Variants in TSEN2 observed in about 807,000 individuals in gnomAD.
TSEN2 encodes tRNA-splicing endonuclease subunit Sen2.
In TSEN2, 54 loss-of-function variants were observed where a neutral mutation model predicts 59.2. The observed-to-expected ratio is 0.91, with a 90% CI of 0.73 to 1.14. The LOEUF is 1.14. TSEN2 is among the 50% of genes most tolerant of loss of function. The pLI, the probability that TSEN2 is intolerant of heterozygous loss-of-function variation, is 0.00. For missense variants in TSEN2, 636 were observed against 576.2 expected (o/e 1.10, Z -1.06); for synonymous variants, 195 against 198.2 (o/e 0.98, Z 0.14).
intron 6 of TSEN2, among the ~76,000 whole-genome samples, chr3:12,510,681 T>G (rs968895156): frequency 6.6e-6 from 1 of 152,208 alleles, no homozygotes; most frequent in Non-Finnish European, 1.5e-5. Context: ...GTCCATAATA[T>G]GGATTCCAAG....
At chr3:12,490,484 A>G (rs1352565659) in intron 2 of TSEN2, among the ~76,000 whole-genome samples, 1 of 152,156 alleles carries the variant, frequency 6.6e-6, no homozygotes, top group African/African-American at 2.4e-5. Flanking sequence ...GATGAGGACA[A>G]GTTCTAGTTT....
intron 8 of TSEN2, among the ~76,000 whole-genome samples, chr3:12,522,777 A>G (rs181553361): frequency 6.6e-6 from 1 of 152,310 alleles, no homozygotes; most frequent in East Asian, 1.9e-4. Context: ...CAGGAGCAGT[A>G]TTTGGAAGAG....
intron 1 of TSEN2, among the ~76,000 whole-genome samples, chr3:12,485,710 C>T (rs1279168744): frequency 2.6e-5 from 4 of 152,192 alleles, no homozygotes; most frequent in Non-Finnish European, 5.9e-5. Context: ...TTTTCTTAAT[C>T]TGCATTTTTC....
rs186223564 is a variant in TSEN2 at position 12,503,581 on chromosome 3, G to A, written c.628G>A (p.Val210Met). 17 of 1,602,108 alleles carry A rather than the reference G, an allele frequency of 1.1e-5. No individual in the cohort carries two copies. The highest frequency in any genetic ancestry group is 6.7e-5 in the Admixed American group (4 of 59,370). Reference protein sequence around the residue: ...HPTTESFEKSVREDASPLPHV... With the variant: ...HPTTESFEKSMREDASPLPHV... The stretch of plus-strand genomic sequence containing the variant: ...AACAACAGAGAGCTTTGAGAAAAGC[G>A]TGCGAGAGGATGCCTCACCTCTGCC... Residue 210 changes from valine to methionine, a missense_variant, in exon 5 of 12, where the codon GTG (valine) becomes ATG (methionine). Val to Met is a conservative substitution (Grantham distance 21, BLOSUM62 1). Coordinates refer to ENST00000284995, the MANE Select transcript of TSEN2 (RefSeq NM_025265.4).
In TSEN2 at chr3:12,520,454, C is replaced by G. The variant is rs2056544459; in HGVS notation, c.1099+1257C>G. On this transcript the variant is annotated intron_variant, in intron 8 of 11. Coordinates refer to ENST00000284995, the MANE Select transcript of TSEN2 (RefSeq NM_025265.4). ...ACAGTACTGCCTCCCTTGATCTTTT[C>G]TTTTTAATTAAATCAATATTTTACT... Among the ~76,000 whole-genome samples, 7 of 152,224 alleles carry G rather than the reference C, an allele frequency of 4.6e-5. No homozygotes were observed. The South Asian group carries it at 1.5e-3, about 32-fold the overall frequency.
Position 12,529,803 on chromosome 3 carries a change from G to A in TSEN2, c.1178G>A (p.Gly393Asp), listed in dbSNP as rs1559364196. 5.0e-6 allele frequency: 8 copies of A among 1,614,070 alleles called. No individual in the cohort carries two copies. Among genetic ancestry groups the A allele is most frequent in the East Asian group, 2.2e-5 (1 of 44,878 alleles). The change falls in exon 10 of 12, where the codon GGC (glycine) becomes GAC (aspartate). Residue 393 changes from glycine to aspartate, a missense_variant. Physicochemically the swap from Gly to Asp is moderately conservative, Grantham distance 94. Transcript: ENST00000284995. ...IIELVDDHFE[G>D]SLRRPLSWKS... is the part of the protein sequence containing the mutation. ...GAGCTAGTTGATGACCATTTTGAAG[G>A]CTCTCTCCGCAGGCCTCTCAGTTGG...
intron 8 of TSEN2, among the ~76,000 whole-genome samples, chr3:12,525,182 T>C (rs778421505): frequency 2.6e-4 from 40 of 152,198 alleles, no homozygotes; most frequent in Non-Finnish European, 5.4e-4. Flanking sequence ...CGGGTTCTCT[T>C]AGCACACGTA....
At chr3:12,503,918 A>G (rs985245319) in intron 5 of TSEN2, 134 bp downstream of exon 5, 3 of 1,174,900 alleles carry the variant, frequency 2.6e-6, no homozygotes, top group African/African-American at 1.5e-5. Context: ...GCTTTGGGCC[A>G]CAGCAGCTGT....
rs771435154 is a variant in TSEN2, at chr3:12,503,389, G to A, written c.436G>A (p.Glu146Lys). ...GCATCCTCCTGTGAAAAGGAATGAAGAGGCTCAAGTGCATGACAAGCTTAA... is the reference window on the plus strand; with the variant it reads ...GCATCCTCCTGTGAAAAGGAATGAAAAGGCTCAAGTGCATGACAAGCTTAA... ...LEHPPVKRNEEAQVHDKLNSG... is the reference protein window; with the variant it reads ...LEHPPVKRNEKAQVHDKLNSG... The change falls in exon 5 of 12, where the codon GAG (glutamate) becomes AAG (lysine). Residue 146 changes from glutamate (E) to lysine (K), a missense_variant. Coordinates refer to ENST00000284995, the MANE Select transcript of TSEN2 (RefSeq NM_025265.4). 6.2e-7 allele frequency: 1 copy of A among 1,614,210 alleles called. No individual in the cohort carries two copies. The highest frequency in any genetic ancestry group is 1.1e-5 in the South Asian group (1 of 91,088).
In TSEN2 at chr3:12,515,739, C is replaced by A. The variant is rs187360607; in HGVS notation, c.910-872C>A. 7.0e-4 allele frequency among the ~76,000 whole-genome samples: 106 copies of A among 152,298 alleles called. 1 individual carries two copies. The highest frequency in any genetic ancestry group is 2.4e-3 in the African/African-American group (101 of 41,574). On this transcript the variant is annotated intron_variant, in intron 6 of 11. Coordinates refer to ENST00000284995, the MANE Select transcript of TSEN2 (RefSeq NM_025265.4). ...CTTTGCCATTCCTACAGCCTCCCCC[C>A]ACACAGTAAAATATATCATTATGTG...
At chr3:12,510,308 T>C (rs6766510) in intron 6 of TSEN2, among the ~76,000 whole-genome samples, 13,967 of 152,276 alleles carry the variant, frequency 0.092, 791 homozygotes, top group Admixed American at 0.17. Flanking sequence ...TCACATTCTT[T>C]AACTGTGTTG....
chr3:12,503,454 A>G lies in TSEN2; in HGVS notation c.501A>G (p.Gly167=), dbSNP rs778515475. 2 of 1,614,186 alleles carry G rather than the reference A, an allele frequency of 1.2e-6. No homozygotes were observed. Among genetic ancestry groups the G allele is most frequent in the East Asian group, 2.2e-5 (1 of 44,882 alleles). ...CCAACATGGAAGGCACAGCAGGGGGAGAGAGACCTTCTGTGGTAAACGGGG... is the reference window on the plus strand; with the variant it reads ...CCAACATGGAAGGCACAGCAGGGGGGGAGAGACCTTCTGTGGTAAACGGGG... ...MVSNMEGTAG[G]ERPSVVNGDS... Residue 167 remains glycine, a synonymous_variant, in exon 5 of 12, where the codon GGA becomes GGG. Transcript: ENST00000284995.
upstream of TSEN2, among the ~76,000 whole-genome samples, chr3:12,483,774 C>A (rs1205930026): frequency 2.0e-5 from 3 of 152,228 alleles, no homozygotes; most frequent in East Asian, 1.9e-4. Flanking sequence ...CCCCACAGGG[C>A]TCCTTTAAAA....
upstream of TSEN2, among the ~76,000 whole-genome samples, chr3:12,481,897 A>ATGTGTG (rs151178256): frequency 0.26 from 38,251 of 149,934 alleles, 5,219 homozygotes; most frequent in African/African-American, 0.35. Flanking sequence ...CAGTTGATAT[A>ATGTGTG]TGTGTGTGTG....
intron 3 of TSEN2, among the ~76,000 whole-genome samples, 156 bp downstream of exon 3, chr3:12,492,373 A>G (rs1311173525): frequency 6.6e-6 from 1 of 152,240 alleles, no homozygotes; most frequent in East Asian, 1.9e-4. Context: ...TAATCAAAGC[A>G]AAAGGGTTAT....
intron 9 of TSEN2, 103 bp downstream of exon 9, chr3:12,529,027 TC>T (rs1412114180): frequency 6.8e-6 from 8 of 1,175,230 alleles, no homozygotes; most frequent in Non-Finnish European, 1.0e-5. Flanking sequence ...GTCATGTTCT[TC>T]CTGGCCTGAT....
intron 10 of TSEN2, chr3:12,531,186 C>T (rs562626429): frequency 2.7e-4 from 57 of 213,734 alleles, no homozygotes; most frequent in African/African-American, 5.4e-4. Flanking sequence ...CTCCATGACA[C>T]GTGGGGATTG....
chr3:12,510,664 G>A (rs535770321), intron 6 of TSEN2, among the ~76,000 whole-genome samples: 281 of 152,178 alleles, frequency 1.8e-3, no homozygotes, highest in African/African-American at 6.5e-3. Context: ...CTTTTCCCGT[G>A]CTTAGTGTCC....
chr3:12,516,445 TATGTG>T (rs2056119612), intron 6 of TSEN2, among the ~76,000 whole-genome samples, 161 bp from the exon 7 acceptor site: 1 of 25,976 alleles, frequency 3.8e-5, no homozygotes, highest in Non-Finnish European at 7.5e-5. Context: ...AAACAAAATA[TATGTG>T]TGTGTGTGTG....
Sources: allele counts gnomAD v4.1 joint callset (sites outside exome capture counted in the v4.1 genomes callset), GRCh38; gene constraint gnomAD v4.1.1; transcripts MANE v1.5; gene names NCBI Gene and HGNC (gene_info 2026-07-23, HGNC 2026-07-21).